Variants in EXOC6B observed in about 807,000 individuals in gnomAD.
The protein encoded by EXOC6B is exocyst complex component 6B, also known as SEC15 homolog B.
In EXOC6B, 54 loss-of-function variants were observed where a neutral mutation model predicts 113.5. That is an observed-to-expected ratio of 0.48 (90% CI 0.38 to 0.60). The LOEUF (loss-of-function observed/expected upper bound fraction) is 0.60, where lower values mean the gene tolerates loss of function less well. Ranked by LOEUF, EXOC6B falls within the 20% of genes least tolerant of loss-of-function variation. The pLI is 0.00. For missense variants in EXOC6B, 797 were observed against 977.5 expected (o/e 0.82, Z 2.46); for synonymous variants, 357 against 339.0 (o/e 1.05, Z -0.58).
intron 19 of EXOC6B, chr2:72,354,189 G>C (rs966189837): frequency 4.6e-5 from 7 of 152,154 alleles, no homozygotes; most frequent in Non-Finnish European, 8.8e-5. Context: ...ACTGTCCATA[G>C]TTAGAGATGG....
intron 19 of EXOC6B, among the ~76,000 whole-genome samples, chr2:72,346,996 C>A (rs992655693): frequency 6.6e-6 from 1 of 152,014 alleles, no homozygotes; most frequent in Non-Finnish European, 1.5e-5. Flanking sequence ...ACAATCTAAT[C>A]CCTTTAAATC....
At chr2:72,800,064 C>CA (rs904582355) in intron 1 of EXOC6B, among the ~76,000 whole-genome samples, 51 of 144,814 alleles carry the variant, frequency 3.5e-4, no homozygotes, top group Admixed American at 5.5e-4. Flanking sequence ...GACCGTATCT[C>CA]AAAAAAAAAA....
intron 20 of EXOC6B, among the ~76,000 whole-genome samples, chr2:72,224,994 G>GTATATATATATATATATATATATATATA (rs1553468230): frequency 3.6e-5 from 5 of 137,252 alleles, no homozygotes; most frequent in Admixed American, 7.5e-5. Flanking sequence ...GTGTGTGTGT[G>GTATATATATATATATATATATATATATA]TATATATATA....
chr2:72,496,407 G>T, intron 14 of EXOC6B, 47 bp downstream of exon 14: 1 of 1,170,406 alleles, frequency 8.5e-7, no homozygotes. Context: ...AAGCTTTTAA[G>T]AGGATGCCAA....
At position 72,642,809 on chromosome 2, in the gene EXOC6B, A is replaced by C. The variant is rs1441602796; in HGVS notation, c.670-67141T>G. 1.4e-3 allele frequency among the ~76,000 whole-genome samples: 215 copies of C among 151,538 alleles called. 2 individuals are homozygous for C. Among genetic ancestry groups the C allele is most frequent in the African/African-American group, 2.9e-3 (118 of 41,030 alleles). On this transcript the variant is annotated intron_variant, in intron 6 of 21. Coordinates refer to ENST00000272427, the MANE Select transcript of EXOC6B (RefSeq NM_015189.3). The stretch of plus-strand genomic sequence containing the variant: ...AGCTTCTGCACAGCAAAAGAAACTA[A>C]CATCAGAGTGAACAGGCAACCTACA...
At chr2:72,211,565 G>C (rs889336419) in intron 20 of EXOC6B, among the ~76,000 whole-genome samples, 1 of 152,136 alleles carries the variant, frequency 6.6e-6, no homozygotes, top group South Asian at 2.1e-4. Context: ...GCTTAAGATG[G>C]AACTTTATGC....
rs182063585 is a variant in EXOC6B, at chr2:72,718,466, A to G, written c.465-159T>C. ...GAATCTCAAATTATTAAAAACTAAT[A>G]CATACTTTAAAAGACCAGGAAATTA... On this transcript the variant is annotated intron_variant, in intron 5 of 21. Transcript: ENST00000272427. Among the ~76,000 whole-genome samples, 18 of 152,354 alleles carry G rather than the reference A, an allele frequency of 1.2e-4. 2 individuals carry two copies. In the East Asian group the frequency reaches 1.3e-3, roughly 11 times the overall value.
At chr2:72,299,591 T>C (rs1309839932) in intron 20 of EXOC6B, among the ~76,000 whole-genome samples, 2 of 152,200 alleles carry the variant, frequency 1.3e-5, no homozygotes, top group East Asian at 3.9e-4. Context: ...GTGATCCAGT[T>C]GTGATCCTTT....
At chr2:72,696,473 T>C (rs918931614) in intron 6 of EXOC6B, among the ~76,000 whole-genome samples, 1 of 152,208 alleles carries the variant, frequency 6.6e-6, no homozygotes, top group African/African-American at 2.4e-5. Flanking sequence ...GTGACACTGC[T>C]GCTTCTTTCA....
chr2:72,496,591 A>C (rs1304144218), intron 13 of EXOC6B, 32 bp from the exon 14 acceptor site: 1 of 1,393,812 alleles, frequency 7.2e-7, no homozygotes, highest in South Asian at 1.2e-5. Context: ...AAGGGAAGGG[A>C]AGGATAGACA....
At chr2:72,810,977 G>T (rs1685881224) in intron 1 of EXOC6B, among the ~76,000 whole-genome samples, 1 of 151,652 alleles carries the variant, frequency 6.6e-6, no homozygotes. Flanking sequence ...GGAGGTGAAG[G>T]TTCCAGTGAA....
At chr2:72,227,578 TAGATTTGAAG>T (rs1166899486) in intron 20 of EXOC6B, among the ~76,000 whole-genome samples, 1 of 152,180 alleles carries the variant, frequency 6.6e-6, no homozygotes, top group Non-Finnish European at 1.5e-5. Context: ...AAAAATGTAG[TAGATTTGAAG>T]AGCACAACTG....
At chr2:72,640,324 A>G (rs1216026502) in intron 6 of EXOC6B, among the ~76,000 whole-genome samples, 3 of 152,206 alleles carry the variant, frequency 2.0e-5, no homozygotes, top group Non-Finnish European at 4.4e-5. Context: ...AGAAAAAAGA[A>G]TGAAAAGGAA....
At chr2:72,411,882 A>G (rs1485654094) in intron 18 of EXOC6B, among the ~76,000 whole-genome samples, 1 of 152,220 alleles carries the variant, frequency 6.6e-6, no homozygotes, top group Non-Finnish European at 1.5e-5. Flanking sequence ...AAGTAGAATC[A>G]AAAGCTAAAC....
intron 6 of EXOC6B, among the ~76,000 whole-genome samples, chr2:72,595,252 T>A (rs1669998064): frequency 6.7e-6 from 1 of 149,184 alleles, no homozygotes; most frequent in Non-Finnish European, 1.5e-5. Flanking sequence ...CAGAGCAAGA[T>A]TCTGTCTCAA....
At chr2:72,683,800 C>A (rs192283831) in intron 6 of EXOC6B, among the ~76,000 whole-genome samples, 69 of 152,320 alleles carry the variant, frequency 4.5e-4, no homozygotes, top group African/African-American at 1.6e-3. Context: ...GCCCAGCTAT[C>A]TCTCAGATTG....
At chr2:72,279,198 C>T (rs1054017264) in intron 20 of EXOC6B, among the ~76,000 whole-genome samples, 1 of 152,222 alleles carries the variant, frequency 6.6e-6, no homozygotes, top group African/African-American at 2.4e-5. Flanking sequence ...GTATTTGAAT[C>T]AGGGCTAACC....
At chr2:72,734,109 G>GTA (rs1680808588) in intron 2 of EXOC6B, among the ~76,000 whole-genome samples, 1 of 152,078 alleles carries the variant, frequency 6.6e-6, no homozygotes, top group African/African-American at 2.4e-5. Flanking sequence ...TTTATCTAAC[G>GTA]TAATACCCTT....
chr2:72,629,497 T>C (rs1207692729), intron 6 of EXOC6B, among the ~76,000 whole-genome samples: 1 of 152,230 alleles, frequency 6.6e-6, no homozygotes, highest in Non-Finnish European at 1.5e-5. Flanking sequence ...TTCTGTTATT[T>C]ATCATATTCA....
Sources: allele counts gnomAD v4.1 joint callset (sites outside exome capture counted in the v4.1 genomes callset), GRCh38; gene constraint gnomAD v4.1.1; transcripts MANE v1.5; gene names NCBI Gene and HGNC (gene_info 2026-07-23, HGNC 2026-07-21).